Variants in SLC25A48 observed in about 807,000 individuals in gnomAD.
SLC25A48 encodes CTC-321K16.1.
Under a neutral mutation model 32.2 loss-of-function variants are expected in SLC25A48, and 29 were observed. That is an observed-to-expected ratio of 0.90 (90% CI 0.67 to 1.23). The LOEUF (loss-of-function observed/expected upper bound fraction) is 1.23, where lower values mean the gene tolerates loss of function less well. SLC25A48 is among the 50% of genes most tolerant of loss of function. SLC25A48 has a pLI of 0.00. For synonymous variants in SLC25A48, 164 were observed against 172.3 expected (o/e 0.95, Z 0.38); for missense variants, 399 against 422.7 (o/e 0.94, Z 0.49).
In SLC25A48 at chr5:135,822,761, C is replaced by A. The variant is rs1757925642; in HGVS notation, c.-117+9835C>A. Among the ~76,000 whole-genome samples the A allele has an allele frequency of 2.0e-5, 3 of 152,164 alleles. No individual in the cohort carries two copies. In the South Asian group the frequency reaches 6.2e-4, roughly 32 times the overall value. On this transcript the variant is annotated intron_variant, in intron 4 of 10. Transcript: ENST00000646290. ...ACAACAACATATAATTCACAGCGAA[C>A]AGAGCACAGGCTTCAGAGTGGGTCA...
At chr5:135,749,343 T>C (rs1755716485) in intron 3 of SLC25A48, among the ~76,000 whole-genome samples, 1 of 151,556 alleles carries the variant, frequency 6.6e-6, no homozygotes, top group South Asian at 2.1e-4. Context: ...TCCAGGTTTC[T>C]CCCACTGTCC....
chr5:135,653,808 C>T lies in SLC25A48; in HGVS notation c.-521+18852C>T, dbSNP rs1224502004. Reference sequence around the variant, plus strand: ...ATGGGTGGCCAGAGAAGGAATATCTCATTGACAGCGGGTATTTCCTTATGG... The same window carrying T: ...ATGGGTGGCCAGAGAAGGAATATCTTATTGACAGCGGGTATTTCCTTATGG... On this transcript the variant is annotated intron_variant, in intron 3 of 10. Coordinates refer to the SLC25A48 transcript ENST00000646290. 2.2e-5 allele frequency: 10 copies of T among 456,116 alleles called. No homozygotes were observed. In the East Asian group the frequency reaches 6.9e-4, roughly 32 times the overall value. The allele number at this position is 456,116 out of a possible 1,614,324, so 28.3% of individuals were successfully genotyped here.
At chr5:135,737,071 C>T (rs374566959) in intron 3 of SLC25A48, among the ~76,000 whole-genome samples, 18 of 152,150 alleles carry the variant, frequency 1.2e-4, no homozygotes, top group African/African-American at 3.9e-4. Context: ...TCCCCTGATC[C>T]GAGTCACAGC....
chr5:135,582,960 T>C (rs1023803300), intron 1 of SLC25A48, among the ~76,000 whole-genome samples: 2 of 152,230 alleles, frequency 1.3e-5, no homozygotes, highest in African/African-American at 4.8e-5. Flanking sequence ...TTGTACATTT[T>C]CATATTTATT....
intron 3 of SLC25A48, among the ~76,000 whole-genome samples, chr5:135,639,924 A>G (rs536313996): frequency 2.2e-4 from 34 of 152,364 alleles, no homozygotes; most frequent in Admixed American, 2.2e-3. Flanking sequence ...ACTAAGAAGC[A>G]GTAAAATGTG....
At chr5:135,866,427 C>T (rs1008522123) in intron 4 of SLC25A48, among the ~76,000 whole-genome samples, 1 of 152,202 alleles carries the variant, frequency 6.6e-6, no homozygotes, top group Admixed American at 6.5e-5. Context: ...GAGGAAGGCA[C>T]AGTGACTTTC....
intron 5 of SLC25A48, chr5:135,872,637 G>A (rs1055934900): frequency 2.0e-5 from 3 of 152,240 alleles, no homozygotes; most frequent in African/African-American, 7.2e-5. Context: ...ATGCTGTAAT[G>A]AGGAACAGAG....
At chr5:135,721,535 T>G (rs902942987) in intron 3 of SLC25A48, among the ~76,000 whole-genome samples, 1 of 152,174 alleles carries the variant, frequency 6.6e-6, no homozygotes, top group Non-Finnish European at 1.5e-5. Context: ...GTTGTTCCAC[T>G]TGTGTCTCAT....
At chr5:135,836,147 G>T (rs1580944632) in intron 1 of SLC25A48, among the ~76,000 whole-genome samples, 1 of 152,240 alleles carries the variant, frequency 6.6e-6, no homozygotes, top group East Asian at 1.9e-4. Flanking sequence ...AAATGGCTTG[G>T]TTTGAAAAAT....
intron 7 of SLC25A48, among the ~76,000 whole-genome samples, chr5:135,881,122 T>A (rs533307017): frequency 6.6e-6 from 1 of 152,186 alleles, no homozygotes; most frequent in Non-Finnish European, 1.5e-5. Context: ...GGCCTCCTCT[T>A]CCTCCCTGTG....
At chr5:135,601,648 C>T (rs778871577) in intron 1 of SLC25A48, among the ~76,000 whole-genome samples, 4 of 152,182 alleles carry the variant, frequency 2.6e-5, no homozygotes, top group Non-Finnish European at 4.4e-5. Context: ...GGTCCCACTC[C>T]GTTGCTTCCC....
chr5:135,689,471 A>T (rs892723833), intron 3 of SLC25A48, among the ~76,000 whole-genome samples: 1 of 152,228 alleles, frequency 6.6e-6, no homozygotes, highest in African/African-American at 2.4e-5. Flanking sequence ...ACATTGTTGA[A>T]TAAGTGTCTA....
chr5:135,887,431 C>T (rs1209084767), intron 7 of SLC25A48, among the ~76,000 whole-genome samples: 1 of 151,828 alleles, frequency 6.6e-6, no homozygotes, highest in African/African-American at 2.4e-5. Context: ...GAACTGCTGC[C>T]CTACAGGGGA....
intron 3 of SLC25A48, among the ~76,000 whole-genome samples, chr5:135,682,816 A>C (rs757038909): frequency 1.3e-5 from 2 of 152,240 alleles, no homozygotes; most frequent in Non-Finnish European, 2.9e-5. Context: ...GGGTATGTCA[A>C]AATGATACCT....
intron 3 of SLC25A48, among the ~76,000 whole-genome samples, chr5:135,788,751 C>G (rs62364675): frequency 6.8e-6 from 1 of 146,476 alleles, no homozygotes; most frequent in Admixed American, 6.7e-5. Flanking sequence ...CCCTGCCATA[C>G]GATCCGTAAT....
At chr5:135,681,878 T>G (rs1356900803) in intron 3 of SLC25A48, among the ~76,000 whole-genome samples, 3 of 152,210 alleles carry the variant, frequency 2.0e-5, no homozygotes, top group African/African-American at 7.2e-5. Context: ...GTTCTTCCAC[T>G]CTGGCATAGG....
chr5:135,842,680 A>G (rs1053988004), intron 2 of SLC25A48, among the ~76,000 whole-genome samples: 5 of 152,192 alleles, frequency 3.3e-5, no homozygotes, highest in Non-Finnish European at 4.4e-5. Context: ...ATGGGAACCT[A>G]TCATTACCTG....
intron 6 of SLC25A48, among the ~76,000 whole-genome samples, chr5:135,874,439 T>A (rs113820142): frequency 0.063 from 9,610 of 152,238 alleles, 738 homozygotes; most frequent in African/African-American, 0.18. Flanking sequence ...CCTGGTCCAT[T>A]TCTGTCTGTC....
chr5:135,785,768 G>A (rs1237549763), intron 3 of SLC25A48, among the ~76,000 whole-genome samples: 11 of 145,488 alleles, frequency 7.6e-5, no homozygotes, highest in Non-Finnish European at 1.5e-4. Context: ...CATCCCGCTT[G>A]CCCCATGGAT....
Sources: gnomAD v4.1 joint callset for allele counts (sites outside exome capture counted in the v4.1 genomes callset) on GRCh38, gnomAD v4.1.1 for gene constraint, MANE v1.5 for transcripts, NCBI Gene and HGNC (gene_info 2026-07-23, HGNC 2026-07-21) for gene names.